The following RIMS2 variants were observed in gnomAD, a reference collection of about 807,000 sequenced individuals.
The protein encoded by RIMS2 is regulating synaptic membrane exocytosis 2.
In RIMS2, 59 loss-of-function variants were observed where a neutral mutation model predicts 174.4. That is an observed-to-expected ratio of 0.34 (90% confidence interval 0.27 to 0.42). The LOEUF (loss-of-function observed/expected upper bound fraction) is 0.42, where lower values mean the gene tolerates loss of function less well. Among genes scored for constraint, RIMS2 ranks in the 10% least tolerant of loss-of-function variants. The pLI, the probability that RIMS2 is intolerant of heterozygous loss-of-function variation, is 1.00. For missense variants in RIMS2, 1,620 were observed against 1,666.3 expected, an observed-to-expected ratio of 0.97 and a Z score of 0.48; for synonymous variants, 606 against 572.5, an observed-to-expected ratio of 1.06 and a Z score of -0.84.
At chr8:103,902,270 G>A (rs1185016758) in intron 4 of RIMS2, among the ~76,000 whole-genome samples, 7 of 152,212 alleles carry the variant, frequency 4.6e-5, no homozygotes, top group South Asian at 4.1e-4. Flanking sequence ...TGCTTACTTC[G>A]TTAAGCCAGC....
At chr8:104,115,252 G>A (rs12548640) in intron 19 of RIMS2, among the ~76,000 whole-genome samples, 86,199 of 151,974 alleles carry the variant, frequency 0.57, 27,339 homozygotes, top group East Asian at 0.92. Context: ...TTCATTAAGT[G>A]TAGTTTCTTC....
At chr8:103,899,050 C>T (rs536722688) in intron 4 of RIMS2, among the ~76,000 whole-genome samples, 26 of 151,768 alleles carry the variant, frequency 1.7e-4, no homozygotes, top group South Asian at 1.0e-3. Flanking sequence ...AGGACATGAA[C>T]TCATCAATTT....
At chr8:104,101,511 G>A (rs557355957) in intron 19 of RIMS2, among the ~76,000 whole-genome samples, 2 of 152,006 alleles carry the variant, frequency 1.3e-5, no homozygotes, top group Non-Finnish European at 2.9e-5. Context: ...GTACACATTT[G>A]AGGTGTAAAA....
Position 103,806,987 on chromosome 8 carries a change from G to A in RIMS2, c.698+40450G>A, listed in dbSNP as rs578193123. 1.8e-4 allele frequency among the ~76,000 whole-genome samples: 27 copies of A among 152,188 alleles called. 1 individual carries two copies. The highest frequency in any genetic ancestry group is 1.4e-3 in the Admixed American group (21 of 15,272). Reference sequence around the variant, plus strand: ...TGTTTGAGATGCCCTTTTGACTTCCGTTTGGGGATTCCAAATTGACAGATG... The same window carrying A: ...TGTTTGAGATGCCCTTTTGACTTCCATTTGGGGATTCCAAATTGACAGATG... On this transcript the variant is annotated intron_variant, in intron 3 of 23. Coordinates refer to ENST00000504942, the Ensembl canonical transcript of RIMS2.
intron 10 of RIMS2, among the ~76,000 whole-genome samples, chr8:103,922,865 T>C (rs2077985568): frequency 6.6e-6 from 1 of 151,928 alleles, no homozygotes; most frequent in Non-Finnish European, 1.5e-5. Context: ...AAAAAAATCA[T>C]TAGACATGTC....
At chr8:103,954,441 A>C (rs1296552824) in intron 14 of RIMS2, among the ~76,000 whole-genome samples, 1 of 152,238 alleles carries the variant, frequency 6.6e-6, no homozygotes, top group African/African-American at 2.4e-5. Flanking sequence ...ATTCAGGATT[A>C]AGAAACTCAC....
chr8:103,523,194 C>T (rs1832540961), intron 1 of RIMS2, among the ~76,000 whole-genome samples: 1 of 151,658 alleles, frequency 6.6e-6, no homozygotes, highest in Non-Finnish European at 1.5e-5. Flanking sequence ...ATTATTTACT[C>T]TTTACATAGA....
At chr8:103,751,036 T>G (rs2097882743) in intron 2 of RIMS2, among the ~76,000 whole-genome samples, 2 of 152,108 alleles carry the variant, frequency 1.3e-5, no homozygotes, top group South Asian at 4.1e-4. Flanking sequence ...TTTCCTTGCA[T>G]AAGCTCTCTT....
intron 19 of RIMS2, among the ~76,000 whole-genome samples, chr8:104,165,302 A>G (rs1029065592): frequency 6.6e-6 from 1 of 152,156 alleles, no homozygotes; most frequent in African/African-American, 2.4e-5. Flanking sequence ...GAGTTATCCA[A>G]TCTCAATCAC....
At chr8:104,171,492 AT>A (rs967000488) in intron 19 of RIMS2, among the ~76,000 whole-genome samples, 3 of 82,518 alleles carry the variant, frequency 3.6e-5, no homozygotes, top group African/African-American at 1.1e-4. Context: ...GTTCTGATTG[AT>A]TTTTTTTGTT....
intron 1 of RIMS2, among the ~76,000 whole-genome samples, chr8:103,625,688 G>C (rs1247989774): frequency 1.3e-5 from 2 of 152,064 alleles, no homozygotes; most frequent in Admixed American, 6.5e-5. Context: ...AGCAAAGTGA[G>C]TGAAAATTAT....
intron 1 of RIMS2, among the ~76,000 whole-genome samples, chr8:103,625,459 G>A (rs975736103): frequency 6.6e-6 from 1 of 152,058 alleles, no homozygotes; most frequent in African/African-American, 2.4e-5. Flanking sequence ...TCATACAATA[G>A]CATAAAATCA....
At chr8:103,508,607 A>G (rs1255518431) in intron 1 of RIMS2, among the ~76,000 whole-genome samples, 1 of 152,030 alleles carries the variant, frequency 6.6e-6, no homozygotes, top group East Asian at 1.9e-4. Context: ...CTTCTATGCT[A>G]TTCTTTGGAT....
intron 19 of RIMS2, among the ~76,000 whole-genome samples, chr8:104,178,632 C>T (rs2098920428): frequency 6.6e-6 from 1 of 152,074 alleles, no homozygotes; most frequent in East Asian, 1.9e-4. Context: ...ATTCTGCCTA[C>T]CATACAACGT....
chr8:103,813,748 C>A (rs1402464333), intron 3 of RIMS2, among the ~76,000 whole-genome samples: 1 of 152,138 alleles, frequency 6.6e-6, no homozygotes, highest in African/African-American at 2.4e-5. Context: ...TTTTTTATGG[C>A]TGCATAGTAT....
chr8:104,033,754 A>G (rs1356713262), intron 19 of RIMS2, among the ~76,000 whole-genome samples: 4 of 152,036 alleles, frequency 2.6e-5, no homozygotes, highest in Admixed American at 6.6e-5. Flanking sequence ...AGTGCTTCAT[A>G]AATATTCTTA....
intron 2 of RIMS2, among the ~76,000 whole-genome samples, chr8:103,717,138 C>CTTTTTTTTTTTTTTTTTTTTTTTTTTTTT (rs11373218): frequency 8.8e-6 from 1 of 113,108 alleles, no homozygotes; most frequent in Admixed American, 1.0e-4. Flanking sequence ...ATAGTGCCTT[C>CTTTTTTTTTTTTTTTTTTTTTTTTTTTTT]TTTTTTTTTT....
intron 16 of RIMS2, among the ~76,000 whole-genome samples, chr8:103,977,696 A>G (rs944388730): frequency 2.4e-4 from 37 of 152,312 alleles, no homozygotes; most frequent in African/African-American, 6.3e-4. Flanking sequence ...TCAAATGCCA[A>G]TTGCAAGTCC....
At chr8:104,233,068 A>G (rs1189742961) in intron 19 of RIMS2, among the ~76,000 whole-genome samples, 2 of 152,212 alleles carry the variant, frequency 1.3e-5, no homozygotes, top group African/African-American at 4.8e-5. Context: ...TTCATTGAGC[A>G]TAAGCAGACA....
Sources: gnomAD v4.1 joint callset for allele counts (sites outside exome capture counted in the v4.1 genomes callset) on GRCh38, gnomAD v4.1.1 for gene constraint, MANE v1.5 for transcripts, NCBI Gene and HGNC (gene_info 2026-07-23, HGNC 2026-07-21) for gene names.